The following INPP4B variants were observed in gnomAD, a reference collection of about 807,000 sequenced individuals.
INPP4B encodes inositol polyphosphate-4-phosphatase type II B.
In INPP4B, 55 loss-of-function variants were observed where a neutral mutation model predicts 122.5. The ratio of observed to expected loss-of-function variants is 0.45; its 90% CI spans 0.36 to 0.56. INPP4B has a LOEUF of 0.56. INPP4B is among the 20% of genes least tolerant of loss of function. The pLI is 0.00. For missense variants in INPP4B, 1,000 were observed against 1,097.7 expected, an observed-to-expected ratio of 0.91 and a Z score of 1.26; for synonymous variants, 403 against 388.7, an observed-to-expected ratio of 1.04 and a Z score of -0.43.
intron 3 of INPP4B, among the ~76,000 whole-genome samples, chr4:142,461,568 A>G (rs544494889): frequency 3.0e-4 from 46 of 152,252 alleles, no homozygotes; most frequent in African/African-American, 1.1e-3. Context: ...AAATAAACCA[A>G]TGAAGCAATC....
intron 2 of INPP4B, among the ~76,000 whole-genome samples, chr4:142,476,390 A>G (rs2149715032): frequency 6.6e-6 from 1 of 152,338 alleles, no homozygotes; most frequent in Admixed American, 6.5e-5. Flanking sequence ...AACACACTTA[A>G]GTACATAAAC....
intron 14 of INPP4B, chr4:142,202,769 GA>G: frequency 2.0e-6 from 2 of 985,210 alleles, no homozygotes; most frequent in South Asian, 9.4e-5. Context: ...TGAGATATCT[GA>G]AAAACAACAA....
At chr4:142,711,484 A>C (rs1189584592) in intron 2 of INPP4B, among the ~76,000 whole-genome samples, 1 of 152,182 alleles carries the variant, frequency 6.6e-6, no homozygotes, top group Non-Finnish European at 1.5e-5. Flanking sequence ...ATTTATTAAA[A>C]GAATGAGTGA....
intron 7 of INPP4B, among the ~76,000 whole-genome samples, chr4:142,337,734 A>ATTATATATTTTATATATAATATATAT (rs1554038704): frequency 9.6e-5 from 4 of 41,672 alleles, no homozygotes; most frequent in Non-Finnish European, 2.0e-4. Flanking sequence ...TTTTATATAT[A>ATTATATATTTTATATATAATATATAT]TTTATATATA....
At chr4:142,190,852 A>G (rs1246511342) in intron 15 of INPP4B, among the ~76,000 whole-genome samples, 5 of 152,126 alleles carry the variant, frequency 3.3e-5, no homozygotes, top group Non-Finnish European at 7.3e-5. Flanking sequence ...GAGTCTAACC[A>G]CAGAACTCAA....
At chr4:142,412,075 T>C in intron 5 of INPP4B, among the ~76,000 whole-genome samples, 1 of 152,170 alleles carries the variant, frequency 6.6e-6, no homozygotes, top group East Asian at 1.9e-4. Context: ...AACTGTCACA[T>C]ATATGTCCTT....
At chr4:142,352,514 T>C (rs1782235420) in intron 7 of INPP4B, among the ~76,000 whole-genome samples, 1 of 151,498 alleles carries the variant, frequency 6.6e-6, no homozygotes. Context: ...ATTACTTTTC[T>C]ACACCAAAAA....
chr4:142,038,777 G>A (rs1299912964), intron 25 of INPP4B, among the ~76,000 whole-genome samples: 1 of 152,164 alleles, frequency 6.6e-6, no homozygotes, highest in Non-Finnish European at 1.5e-5. Flanking sequence ...AGGCTGCCTT[G>A]GAAAGGAGCG....
In INPP4B at chr4:142,255,930, C is replaced by T. The variant is rs560144471; in HGVS notation, c.688+4562G>A. Among the ~76,000 whole-genome samples, 796 of 145,374 alleles carry T rather than the reference C, an allele frequency of 5.5e-3. 9 individuals are homozygous for T. The highest frequency in any genetic ancestry group is 0.019 in the African/African-American group (770 of 39,502). On this transcript the variant is annotated intron_variant, in intron 11 of 25. Transcript: ENST00000262992. ...TTTTCAGCACCACACCACACCTATT[C>T]CAAAATTGACCACATAGTTGGAAGT...
chr4:142,522,108 T>C (rs1321659818), intron 2 of INPP4B, among the ~76,000 whole-genome samples: 2 of 152,142 alleles, frequency 1.3e-5, no homozygotes, highest in South Asian at 2.1e-4. Flanking sequence ...AATGACAATA[T>C]TGCCAACTTT....
intron 12 of INPP4B, among the ~76,000 whole-genome samples, chr4:142,212,238 C>A (rs763741006): frequency 2.6e-5 from 4 of 152,014 alleles, no homozygotes; most frequent in Non-Finnish European, 4.4e-5. Context: ...TGGCAATGTG[C>A]GATTCCCCAG....
chr4:142,352,115 G>A (rs971481750), intron 7 of INPP4B, among the ~76,000 whole-genome samples: 3 of 151,816 alleles, frequency 2.0e-5, no homozygotes, highest in African/African-American at 7.3e-5. Flanking sequence ...CCTCTGGTTG[G>A]CCAAATAGTG....
chr4:142,129,124 T>A (rs1800038075), intron 18 of INPP4B, among the ~76,000 whole-genome samples: 1 of 152,154 alleles, frequency 6.6e-6, no homozygotes, highest in Admixed American at 6.5e-5. Context: ...AGGATTCTCT[T>A]AAGGTAACAA....
chr4:142,339,976 G>A (rs1778112312), intron 7 of INPP4B, among the ~76,000 whole-genome samples: 2 of 152,052 alleles, frequency 1.3e-5, no homozygotes, highest in South Asian at 4.1e-4. Context: ...TATACCTCAG[G>A]GGGCTACAAA....
chr4:142,094,313 C>T lies in INPP4B; in HGVS notation c.2375-8057G>A, dbSNP rs189335652. On this transcript the variant is annotated intron_variant, in intron 23 of 25. Transcript: ENST00000262992. ...GGGTGAACAACTACTTTTGCCCATA[C>T]TCAAGTGGCCTAGGTGCTGGCACTG... is the stretch of plus-strand genomic sequence containing the variant. Among the ~76,000 whole-genome samples the T allele has an allele frequency of 4.6e-5, 7 of 152,314 alleles. No homozygotes were observed. In the East Asian group the frequency reaches 1.4e-3, roughly 29 times the overall value.
intron 17 of INPP4B, among the ~76,000 whole-genome samples, chr4:142,153,885 G>A (rs1447149094): frequency 6.6e-6 from 1 of 152,142 alleles, no homozygotes; most frequent in East Asian, 1.9e-4. Context: ...TTCACCTGGG[G>A]TTTCTTTTCT....
intron 1 of INPP4B, chr4:142,767,757 G>C (rs1486221801): frequency 1.3e-5 from 2 of 152,138 alleles, no homozygotes; most frequent in Non-Finnish European, 2.9e-5. Context: ...TGACTCAGCT[G>C]AGACTTCCAA....
At chr4:142,456,243 G>C (rs1272938410) in intron 3 of INPP4B, among the ~76,000 whole-genome samples, 1 of 152,028 alleles carries the variant, frequency 6.6e-6, no homozygotes, top group African/African-American at 2.4e-5. Flanking sequence ...ATGTCCTGGA[G>C]AGTTTTCCTA....
At chr4:142,250,587 A>C (rs188187455) in intron 11 of INPP4B, among the ~76,000 whole-genome samples, 1 of 152,358 alleles carries the variant, frequency 6.6e-6, no homozygotes, top group Admixed American at 6.5e-5. Flanking sequence ...CCAAAGTCAT[A>C]TACATATTCT....
Sources: allele counts gnomAD v4.1 joint callset (sites outside exome capture counted in the v4.1 genomes callset), GRCh38; gene constraint gnomAD v4.1.1; transcripts MANE v1.5; gene names NCBI Gene and HGNC (gene_info 2026-07-23, HGNC 2026-07-21).